The following LAMB1 variants were observed in gnomAD, a reference collection of about 807,000 sequenced individuals.
The protein encoded by LAMB1 is laminin subunit beta-1.
LAMB1 carries 121 observed loss-of-function variants against 222.3 expected under a neutral mutation model. That is an observed-to-expected ratio of 0.54 (90% CI 0.47 to 0.63). The LOEUF (loss-of-function observed/expected upper bound fraction) is 0.63, where lower values mean the gene tolerates loss of function less well. LAMB1 is among the 30% of genes least tolerant of loss of function. LAMB1 has a pLI of 0.00. For synonymous variants in LAMB1, 794 were observed against 807.2 expected, an observed-to-expected ratio of 0.98 and a Z score of 0.28; for missense variants, 2,172 against 2,240.8, an observed-to-expected ratio of 0.97 and a Z score of 0.62.
chr7:107,984,727 TG>T (rs1481525871), intron 7 of LAMB1, among the ~76,000 whole-genome samples: 7 of 152,232 alleles, frequency 4.6e-5, no homozygotes, highest in African/African-American at 1.4e-4. Context: ...CAGTTAAATT[TG>T]AATTGCAGAT....
intron 30 of LAMB1, 50 bp downstream of exon 30, chr7:107,929,362 C>G: frequency 6.4e-7 from 1 of 1,551,688 alleles, no homozygotes; most frequent in Non-Finnish European, 8.9e-7. Context: ...ACTTTTTACT[C>G]CATGATAGAT....
chr7:107,984,445 A>C (rs2034034942), intron 7 of LAMB1, among the ~76,000 whole-genome samples: 1 of 152,170 alleles, frequency 6.6e-6, no homozygotes, highest in Non-Finnish European at 1.5e-5. Context: ...ACACGGTTTT[A>C]CCATGTTGGC....
chr7:107,967,064 C>T (rs1480441898), intron 13 of LAMB1, among the ~76,000 whole-genome samples: 2 of 152,226 alleles, frequency 1.3e-5, no homozygotes, highest in African/African-American at 4.8e-5. Context: ...CTATTTCCAG[C>T]CATCAATGGG....
intron 2 of LAMB1, chr7:108,002,202 T>C (rs959398803): frequency 3.7e-6 from 5 of 1,365,646 alleles, no homozygotes; most frequent in African/African-American, 2.9e-5. Context: ...ATCTGTGAGC[T>C]TGGGAAGCGA....
intron 27 of LAMB1, 63 bp downstream of exon 27, chr7:107,935,352 T>TC (rs375320552): frequency 0.018 from 7,467 of 423,326 alleles, 32 homozygotes; most frequent in Middle Eastern, 0.04. Context: ...TCTTTGTTTT[T>TC]TTTTTTTTTT....
At chr7:107,938,643 C>T (rs963162970) in intron 25 of LAMB1, among the ~76,000 whole-genome samples, 1 of 152,090 alleles carries the variant, frequency 6.6e-6, no homozygotes, top group Non-Finnish European at 1.5e-5. Context: ...AGATTTTTTT[C>T]TTCCTCCCAG....
chr7:107,935,657 C>T lies in LAMB1; in HGVS notation c.3947-1G>A. 1 of 1,613,424 alleles carries T rather than the reference C, an allele frequency of 6.2e-7. No homozygotes were observed. The highest frequency in any genetic ancestry group is 8.5e-7 in the Non-Finnish European group (1 of 1,179,566). On this transcript the variant is annotated splice_acceptor_variant, in intron 26 of 33. Transcript: ENST00000222399. LOFTEE classifies it high-confidence loss of function. ...TACTTGGTAATGCTATCCAAGGCAC[C>T]TAGGGTAGGAAATGAAATTGCCCAC...
chr7:107,929,872 G>A (rs1027736497), intron 29 of LAMB1: 2 of 528,424 alleles, frequency 3.8e-6, no homozygotes, highest in Non-Finnish European at 3.4e-6. Flanking sequence ...GGAAACCTTC[G>A]TGGAAGATGA....
chr7:107,992,460 G>A (rs2034203703), intron 5 of LAMB1, among the ~76,000 whole-genome samples: 1 of 152,224 alleles, frequency 6.6e-6, no homozygotes, highest in Admixed American at 6.5e-5. Context: ...ACAAACAGAA[G>A]ATGGTTGAAT....
intron 24 of LAMB1, 189 bp downstream of exon 24, chr7:107,951,037 A>C (rs1011564114): frequency 1.8e-6 from 1 of 560,076 alleles, no homozygotes; most frequent in Non-Finnish European, 3.2e-6. Context: ...GACTACCTAT[A>C]CTTATGGGCA....
chr7:107,995,397 T>C (rs1207486208), intron 4 of LAMB1, among the ~76,000 whole-genome samples: 62 of 152,176 alleles, frequency 4.1e-4, no homozygotes, highest in East Asian at 5.8e-4. Flanking sequence ...CCTCCTCCAG[T>C]AGAAACACAA....
chr7:107,924,255 TGCTTGA>T lies in LAMB1; in HGVS notation c.5193_5198del (p.Gln1732_Ala1733del), dbSNP rs2032507202. The T allele has an allele frequency of 6.2e-7, 1 of 1,611,666 alleles. No homozygotes were observed. On this transcript the variant is annotated inframe_deletion, in exon 33 of 34. Transcript: ENST00000222399. ...CTTTGAGCAGTTGCAGCTTGCTATT[TGCTTGA>T]GCTAAAAGAGTTTTTGCTTCATTTT...
At chr7:107,935,337 G>GTTTTTGTTTTT in intron 27 of LAMB1, 78 bp downstream of exon 27, 1 of 1,450,926 alleles carries the variant, frequency 6.9e-7, no homozygotes, top group Non-Finnish European at 9.0e-7. Context: ...AAGATGGTTT[G>GTTTTTGTTTTT]TTTTTCTTTG....
At chr7:107,966,907 G>A (rs1044150830) in intron 13 of LAMB1, among the ~76,000 whole-genome samples, 1 of 152,202 alleles carries the variant, frequency 6.6e-6, no homozygotes, top group African/African-American at 2.4e-5. Context: ...ACAAGTCTGT[G>A]TCCACAGGCT....
intron 14 of LAMB1, 118 bp downstream of exon 14, chr7:107,964,434 T>C: frequency 1.7e-6 from 2 of 1,180,460 alleles, no homozygotes; most frequent in Non-Finnish European, 2.5e-6. Context: ...GATCCTTATT[T>C]TGTGCTCACT....
rs144892631 is a variant in LAMB1 at position 107,983,764 on chromosome 7, C to T, written c.676+2258G>A. Among the ~76,000 whole-genome samples, 287 of 152,154 alleles carry T rather than the reference C, an allele frequency of 1.9e-3. 1 individual carries two copies. Among genetic ancestry groups the T allele is most frequent in the Middle Eastern group, 3.4e-3 (1 of 294 alleles). On this transcript the variant is annotated intron_variant, in intron 7 of 33. Transcript: ENST00000222399. ...AACTCCTGACCTCGTGATCCACCCG[C>T]CTAGGCCTCTCAAAGTGCTGGGATT... is the stretch of plus-strand genomic sequence containing the variant.
At position 107,970,433 on chromosome 7, in the gene LAMB1, A is replaced by G. The variant is rs149322209; in HGVS notation, c.1562+2559T>C. ...AACCCAGGAGGCGGAGGTTGCAGTG[A>G]GCCAAGATCAATGCCACTGCACTCC... On this transcript the variant is annotated intron_variant, in intron 13 of 33. Transcript: ENST00000222399. Among the ~76,000 whole-genome samples, 1,173 of 135,568 alleles carry G rather than the reference A, an allele frequency of 8.7e-3. 4 individuals carry two copies. The highest frequency in any genetic ancestry group is 0.039 in the South Asian group (148 of 3,802). The allele number at this position is 135,568 out of a possible 152,430, so 88.9% of individuals were successfully genotyped here. A position where few individuals can be genotyped will look rare whatever the true frequency, so the allele number is the denominator to read the frequency against.
At position 107,961,236 on chromosome 7, in the gene LAMB1, G is replaced by T. The variant is rs778541187; in HGVS notation, c.2079C>A (p.Asp693Glu). 8.7e-6 allele frequency: 14 copies of T among 1,613,854 alleles called. No homozygotes were observed. The South Asian group carries it at 9.9e-5, about 11-fold the overall frequency. The change falls in exon 17 of 34, where the codon GAC (aspartate) becomes GAA (glutamate). Residue 693 changes from aspartate (D) to glutamate (E), a missense_variant. Asp to Glu is a conservative substitution (Grantham distance 45). Coordinates refer to ENST00000222399, the MANE Select transcript of LAMB1 (RefSeq NM_002291.3). The part of the protein sequence containing the change: ...ELPQYTSSDS[D>E]VESPYTLIDS... The stretch of plus-strand genomic sequence containing the variant: ...CGATCAGCGTGTAGGGGCTCTCCAC[G>T]TCGCTATCAGAGGAGGTGTACTGAG...
chr7:108,002,355 A>G, intron 2 of LAMB1: 1 of 1,315,404 alleles, frequency 7.6e-7, no homozygotes, highest in Non-Finnish European at 1.0e-6. Flanking sequence ...AGGCTTCTCC[A>G]TTCCAGGGAA....
Sources: allele counts gnomAD v4.1 joint callset (sites outside exome capture counted in the v4.1 genomes callset), GRCh38; gene constraint gnomAD v4.1.1; transcripts MANE v1.5; gene names NCBI Gene and HGNC (gene_info 2026-07-23, HGNC 2026-07-21).